CD55: variants seen among roughly 807,000 people sequenced by gnomAD.
The protein encoded by CD55 is complement decay-accelerating factor.
A neutral mutation model predicts 45.8 loss-of-function variants in CD55; 41 were observed. The observed-to-expected ratio is 0.90, with a 90% CI of 0.70 to 1.16. The LOEUF is 1.16. Among genes scored for constraint, CD55 ranks in the 50% most tolerant of loss-of-function variants. CD55 has a pLI of 0.00. For synonymous variants in CD55, 181 were observed against 181.1 expected, an observed-to-expected ratio of 1.00 and a Z score of 0.01; for missense variants, 416 against 469.8, an observed-to-expected ratio of 0.89 and a Z score of 1.06.
chr1:207,336,735 C>G lies in CD55; in HGVS notation c.896C>G (p.Pro299Arg), dbSNP rs547605946. The stretch of plus-strand genomic sequence containing the variant: ...AAGGTCCCACCAACAGTTCAGAAAC[C>G]TACCACAGTAAATGTTCCAACTACA... ...TSKVPPTVQK[P>R]TTVNVPTTEV... Residue 299 changes from proline (P) to arginine (R), a missense_variant, in exon 7 of 10, where the codon CCT (proline) becomes CGT (arginine). This residue lies in a region of CD55 where 182 missense variants were observed against 201.4 expected (regional missense o/e 0.90). Coordinates refer to ENST00000367064, the MANE Select transcript of CD55 (RefSeq NM_000574.5). 3 of 1,613,866 alleles carry G rather than the reference C, an allele frequency of 1.9e-6. No homozygotes were observed. The highest frequency in any genetic ancestry group is 3.3e-5 in the Admixed American group (2 of 59,994).
At chr1:207,351,196 T>C (rs11120748) in intron 9 of CD55, among the ~76,000 whole-genome samples, 8,642 of 152,260 alleles carry the variant, frequency 0.057, 831 homozygotes, top group African/African-American at 0.19. Flanking sequence ...TTTTATGCTG[T>C]GGCCTAAGAG....
intron 9 of CD55, among the ~76,000 whole-genome samples, chr1:207,348,482 G>A (rs1179601589): frequency 6.6e-6 from 1 of 152,116 alleles, no homozygotes; most frequent in African/African-American, 2.4e-5. Context: ...TTTGTTAGAT[G>A]CATAGTTTGC....
intron 1 of CD55, 76 bp from the exon 2 acceptor site, chr1:207,322,306 G>T: frequency 8.3e-7 from 1 of 1,198,920 alleles, no homozygotes; most frequent in South Asian, 1.2e-5. Context: ...CATTTCAAGG[G>T]GGCTTGTGTC....
intron 9 of CD55, chr1:207,354,020 A>G (rs1558159152): frequency 3.3e-6 from 5 of 1,535,188 alleles, no homozygotes; most frequent in South Asian, 1.2e-5. Context: ...TGCAAGTTAG[A>G]CCTTTTGAAG....
At chr1:207,337,209 C>T in intron 7 of CD55, 120 bp from the exon 8 acceptor site, 1 of 702,526 alleles carries the variant, frequency 1.4e-6, no homozygotes, top group Non-Finnish European at 2.5e-6. Context: ...CAAAAATTCA[C>T]CACAGCAAAA....
At chr1:207,325,601 T>A (rs753880998) in intron 3 of CD55, 21 bp from the exon 4 acceptor site, 5 of 1,495,208 alleles carry the variant, frequency 3.3e-6, no homozygotes, top group Non-Finnish European at 4.6e-6. Flanking sequence ...TTTTAAAAAA[T>A]CAATTTGTAT....
At chr1:207,343,265 G>A (rs976949357) in intron 9 of CD55, among the ~76,000 whole-genome samples, 1 of 151,932 alleles carries the variant, frequency 6.6e-6, no homozygotes, top group Admixed American at 6.6e-5. Flanking sequence ...AAGATGCATT[G>A]TTAGATTGTT....
At chr1:207,340,024 A>G (rs1437293752) in intron 9 of CD55, among the ~76,000 whole-genome samples, 2 of 152,158 alleles carry the variant, frequency 1.3e-5, no homozygotes, top group Non-Finnish European at 2.9e-5. Flanking sequence ...ATTGCTAACT[A>G]TACTCACCCT....
intron 2 of CD55, among the ~76,000 whole-genome samples, chr1:207,323,198 AT>A (rs1392326155): frequency 6.6e-5 from 10 of 151,066 alleles, no homozygotes; most frequent in African/African-American, 2.2e-4. Flanking sequence ...ATTGGGATAT[AT>A]ATATATAAGG....
chr1:207,355,778 A>T (rs1360032119), intron 9 of CD55, among the ~76,000 whole-genome samples: 1 of 152,222 alleles, frequency 6.6e-6, no homozygotes, highest in East Asian at 1.9e-4. Flanking sequence ...GAACTCTAAG[A>T]TGCTTTCTAG....
chr1:207,337,259 A>G (rs1572885314), intron 7 of CD55, 70 bp from the exon 8 acceptor site: 1 of 988,668 alleles, frequency 1.0e-6, no homozygotes, highest in South Asian at 1.3e-5. Flanking sequence ...ACGTAAGTCC[A>G]CTAATGTACA....
intron 9 of CD55, among the ~76,000 whole-genome samples, chr1:207,358,255 T>A (rs1328119986): frequency 6.6e-6 from 1 of 152,208 alleles, no homozygotes; most frequent in South Asian, 2.1e-4. Flanking sequence ...GCTAGCCTCC[T>A]GATTTCATAC....
At position 207,360,685 on chromosome 1, in the gene CD55, GTATC is replaced by G. The variant is rs1488977214; in HGVS notation, c.*1079_*1082del. 10 of 152,010 alleles carry G rather than the reference GTATC, an allele frequency of 6.6e-5. No homozygotes were observed. The highest frequency in any genetic ancestry group is 2.4e-4 in the African/African-American group (10 of 41,378). 9.4% of individuals were successfully genotyped at this position (152,010 alleles called of 1,614,324 possible). ...GCATGTCATATCCTTTCCTATTAGAGTATCTATATTACTTGTTACTGATTTACCT... is the reference window on the plus strand; with the variant it reads ...GCATGTCATATCCTTTCCTATTAGAGTATATTACTTGTTACTGATTTACCT... On this transcript the variant is annotated 3_prime_UTR_variant, in exon 10 of 10. Coordinates refer to ENST00000367064, the MANE Select transcript of CD55 (RefSeq NM_000574.5).
chr1:207,337,686 A>G (rs1245569190), intron 8 of CD55: 1 of 301,250 alleles, frequency 3.3e-6, no homozygotes, highest in Non-Finnish European at 6.1e-6. Context: ...TGTTTCCTGT[A>G]GTAGTTTTAG....
chr1:207,326,660 G>A, intron 4 of CD55, 92 bp from the exon 5 acceptor site: 1 of 908,540 alleles, frequency 1.1e-6, no homozygotes, highest in Non-Finnish European at 1.8e-6. Flanking sequence ...TAATTGTGTA[G>A]TAAATATTTT....
In CD55 at chr1:207,359,553, G is replaced by A. The variant is rs767750936; in HGVS notation, c.1089G>A (p.Thr363=). ...TTTTTTTTTAATTTTCAGGGCACAC[G>A]TGTTTCACGTTGACAGGTTTGCTTG... ...SGTTRLLSGH[T]CFTLTGLLGT... Residue 363 remains threonine, a synonymous_variant, in exon 10 of 10, where the codon ACG becomes ACA. Transcript: ENST00000367064. 19 of 1,499,384 alleles carry A rather than the reference G, an allele frequency of 1.3e-5. No homozygotes were observed. Among genetic ancestry groups the A allele is most frequent in the African/African-American group, 7.8e-5 (5 of 63,982 alleles). 92.9% of individuals were successfully genotyped at this position (1,499,384 alleles called of 1,614,324 possible).
intron 9 of CD55, chr1:207,347,540 G>T (rs1347400477): frequency 7.9e-6 from 2 of 252,718 alleles, no homozygotes; most frequent in South Asian, 8.5e-5. Flanking sequence ...GATTACAGGC[G>T]TGAGCCACCG....
chr1:207,328,487 T>C (rs1022089178), intron 5 of CD55, among the ~76,000 whole-genome samples: 2 of 152,214 alleles, frequency 1.3e-5, no homozygotes, highest in African/African-American at 4.8e-5. Flanking sequence ...TGCGTGAATA[T>C]GGATACGAAG....
chr1:207,358,278 A>G (rs1337251074), intron 9 of CD55, among the ~76,000 whole-genome samples: 1 of 152,190 alleles, frequency 6.6e-6, no homozygotes, highest in Admixed American at 6.5e-5. Flanking sequence ...ATTTAATTAA[A>G]TATTTGATCT....
Sources: gnomAD v4.1 joint callset for allele counts (sites outside exome capture counted in the v4.1 genomes callset) on GRCh38, gnomAD v4.1.1 for gene constraint, gnomAD v4.1.1 regional missense constraint, MANE v1.5 for transcripts, NCBI Gene and HGNC (gene_info 2026-07-23, HGNC 2026-07-21) for gene names.